The following TMEM245 variants were observed in gnomAD, a reference collection of about 807,000 sequenced individuals.
TMEM245 encodes the protein protein CG-2.
Under a neutral mutation model 101.2 loss-of-function variants are expected in TMEM245, and 69 were observed. The observed-to-expected ratio is 0.68, with a 90% confidence interval of 0.56 to 0.83. The LOEUF (loss-of-function observed/expected upper bound fraction) is 0.83, where lower values mean the gene tolerates loss of function less well. TMEM245 is among the 40% of genes least tolerant of loss of function. The pLI is 0.00. For synonymous variants in TMEM245, 537 were observed against 449.8 expected (o/e 1.19, Z -2.45); for missense variants, 1,075 against 1,092.8 (o/e 0.98, Z 0.23).
At position 109,029,443 on chromosome 9, in the gene TMEM245, T is replaced by A. The variant is rs151015086; in HGVS notation, c.2594+3864A>T. On this transcript the variant is annotated intron_variant, in intron 17 of 17. Coordinates refer to ENST00000374586, the MANE Select transcript of TMEM245 (RefSeq NM_032012.4). ...ATAAATAATAAAAATTGCTTCAGAC[T>A]TTTAACAACAATCCTAGAAGCCAGA... Among the ~76,000 whole-genome samples, 38 of 152,306 alleles carry A rather than the reference T, an allele frequency of 2.5e-4. 1 individual carries two copies. In the East Asian group the frequency reaches 7.3e-3, roughly 29 times the overall value.
At chr9:109,053,513 T>C (rs747587977) in intron 12 of TMEM245, among the ~76,000 whole-genome samples, 186 of 152,160 alleles carry the variant, frequency 1.2e-3, no homozygotes, top group Non-Finnish European at 2.0e-3. Flanking sequence ...GCAATGTAAG[T>C]ACTGGAAGAA....
At chr9:109,107,869 C>A (rs1830468681) in intron 2 of TMEM245, among the ~76,000 whole-genome samples, 1 of 152,172 alleles carries the variant, frequency 6.6e-6, no homozygotes, top group Non-Finnish European at 1.5e-5. Context: ...CTGAGCAGCT[C>A]TGACATGAAT....
rs866023569 is a variant in TMEM245, at chr9:109,073,423, C to T, written c.1465G>A (p.Val489Ile). The change falls in exon 9 of 18, where the codon GTA becomes ATA. Residue 489 changes from valine (V) to isoleucine (I), a missense_variant. Physicochemically the swap from Val to Ile is conservative, Grantham distance 29 (BLOSUM62 3). Transcript: ENST00000374586. The part of the protein sequence containing the change: ...LLTAKVHQES[V>I]HMIEVTSNLI... The stretch of plus-strand genomic sequence containing the variant: ...TTACTTGTGACTTCAATCATGTGTA[C>T]ACTCTCTTGATGTACCTGTATTACA... The T allele has an allele frequency of 1.2e-6, 2 of 1,610,620 alleles. No homozygotes were observed. Among genetic ancestry groups the T allele is most frequent in the African/African-American group, 1.3e-5 (1 of 74,884 alleles).
chr9:109,064,128 AC>A (rs35264540), intron 10 of TMEM245, among the ~76,000 whole-genome samples: 1,934 of 152,368 alleles, frequency 0.013, 16 homozygotes, highest in South Asian at 0.036. Flanking sequence ...ATAACTGGAA[AC>A]TGCCAAAGAC....
rs781337448 is a variant in TMEM245, at chr9:109,057,315, G to C, written c.1730C>G (p.Thr577Arg). The change falls in exon 12 of 18, where the codon ACA becomes AGA. Residue 577 changes from threonine (T) to arginine (R), a missense_variant. Physicochemically the swap from Thr to Arg is moderately conservative, Grantham distance 71. This residue lies in a region of TMEM245 where 808 missense variants were observed against 741.5 expected (regional missense o/e 1.09). Transcript: ENST00000374586. The stretch of plus-strand genomic sequence containing the variant: ...CTGTCCTTTGTGCCTTCCAGAGTGT[G>C]TTACATTCTATGGAATAAAACAGTG... ...LYHSWFVKNV[T>R]HSGRHKGQKL... 1 of 1,613,846 alleles carries C rather than the reference G, an allele frequency of 6.2e-7. No individual in the cohort carries two copies. The highest frequency in any genetic ancestry group is 2.2e-5 in the East Asian group (1 of 44,868).
chr9:109,018,499 G>A lies in TMEM245; in HGVS notation c.*1961C>T, dbSNP rs185718293. On this transcript the variant is annotated 3_prime_UTR_variant, in exon 18 of 18. Coordinates refer to ENST00000374586, the MANE Select transcript of TMEM245 (RefSeq NM_032012.4). ...CTCAGTGGAATAGCTGATTATAATCGCTAAAATATTCATAATAGAAATAAA... is the reference window on the plus strand; with the variant it reads ...CTCAGTGGAATAGCTGATTATAATCACTAAAATATTCATAATAGAAATAAA... 3.9e-5 allele frequency: 6 copies of A among 152,140 alleles called. No homozygotes were observed. In the East Asian group the frequency reaches 9.7e-4, roughly 24 times the overall value. The allele number at this position is 152,140 out of a possible 1,614,324, so 9.4% of individuals were successfully genotyped here.
intron 1 of TMEM245, among the ~76,000 whole-genome samples, chr9:109,110,651 T>TA (rs1830544644): frequency 6.6e-6 from 1 of 152,024 alleles, no homozygotes; most frequent in Admixed American, 6.5e-5. Context: ...GTCAGTCACT[T>TA]AGATGAAAGA....
intron 8 of TMEM245, 29 bp from the exon 9 acceptor site, chr9:109,073,467 T>C (rs1038656976): frequency 6.5e-7 from 1 of 1,534,388 alleles, no homozygotes; most frequent in African/African-American, 1.4e-5. Context: ...AAGAAAAGAA[T>C]CTCAGTAAAA....
In TMEM245 at chr9:109,087,124, G is replaced by A. The variant is rs368545167; in HGVS notation, c.1320+49C>T. 3.6e-5 allele frequency: 54 copies of A among 1,499,030 alleles called. 1 individual carries two copies. Among genetic ancestry groups the A allele is most frequent in the Middle Eastern group, 1.8e-4 (1 of 5,636 alleles). 92.9% of individuals were successfully genotyped at this position (1,499,030 alleles called of 1,614,324 possible). On this transcript the variant is annotated intron_variant, in intron 6 of 17. Transcript: ENST00000374586. ...CATAGAATGGAAAAGTTCAAACCAC[G>A]AAATATATTAACTCCATTAAGACAG...
In TMEM245 at chr9:109,083,925, A is replaced by AAAAAC. The variant is rs1829757001; in HGVS notation, c.1344+2067_1344+2071dup. ...ACAAAAAAAAAAAAAAAAAAAAAAAAAAAACACCAGGCATGGTGGTGCACA... is the reference window on the plus strand; with the variant it reads ...ACAAAAAAAAAAAAAAAAAAAAAAAAAAAACAAAACACCAGGCATGGTGGTGCACA... On this transcript the variant is annotated intron_variant, in intron 7 of 17. Transcript: ENST00000374586. Among the ~76,000 whole-genome samples the AAAAAC allele has an allele frequency of 3.6e-5, 5 of 140,772 alleles. No individual in the cohort carries two copies. In the East Asian group the frequency reaches 9.1e-4, roughly 26 times the overall value. The allele number at this position is 140,772 out of a possible 152,430, so 92.4% of individuals were successfully genotyped here.
At chr9:109,110,096 A>G (rs1830528963) in intron 1 of TMEM245, among the ~76,000 whole-genome samples, 1 of 152,198 alleles carries the variant, frequency 6.6e-6, no homozygotes, top group Non-Finnish European at 1.5e-5. Context: ...GAAGCTCAAA[A>G]ATATGAGGAC....
At chr9:109,114,786 C>T (rs191412620) in intron 1 of TMEM245, among the ~76,000 whole-genome samples, 9 of 152,290 alleles carry the variant, frequency 5.9e-5, no homozygotes. Context: ...TCAAATTTAC[C>T]TTGCACAGCT....
intron 3 of TMEM245, among the ~76,000 whole-genome samples, chr9:109,098,696 C>T (rs184967670): frequency 6.6e-6 from 1 of 152,048 alleles, no homozygotes; most frequent in Non-Finnish European, 1.5e-5. Context: ...GGCACATAAA[C>T]AAGGGAACAT....
At chr9:109,112,141 A>G (rs1452530899) in intron 1 of TMEM245, among the ~76,000 whole-genome samples, 1 of 152,226 alleles carries the variant, frequency 6.6e-6, no homozygotes, top group Non-Finnish European at 1.5e-5. Context: ...AATGTTTATC[A>G]AAGTATTCTA....
Position 109,093,530 on chromosome 9 carries a change from G to C in TMEM245, c.861C>G (p.Ile287Met). ...MAASTLANLA[I>M]SITGYESSSE... The stretch of plus-strand genomic sequence containing the variant: ...TGCTTGATTCATACCCTGTGATAGA[G>C]ATGGCCAAGTTTGCCAGAGTAGAAG... Residue 287 changes from isoleucine to methionine, a missense_variant, in exon 4 of 18, where the codon ATC becomes ATG. Ile to Met is a conservative substitution (Grantham distance 10). Around this residue, in one of 2 missense-constraint regions of TMEM245, gnomAD observed 808 missense variants for 741.5 expected, o/e 1.09. Transcript: ENST00000374586. 1 of 1,614,148 alleles carries C rather than the reference G, an allele frequency of 6.2e-7. No individual in the cohort carries two copies.
chr9:109,052,842 C>G (rs1480113696), intron 12 of TMEM245, among the ~76,000 whole-genome samples: 3 of 151,846 alleles, frequency 2.0e-5, no homozygotes, highest in Non-Finnish European at 2.9e-5. Context: ...CTGGGTTGCA[C>G]TGAGAGAAAA....
chr9:109,080,571 T>C (rs1364000627), intron 8 of TMEM245, among the ~76,000 whole-genome samples: 2 of 151,932 alleles, frequency 1.3e-5, no homozygotes, highest in Non-Finnish European at 2.9e-5. Context: ...AAGCGCCACT[T>C]GTTCTTCATT....
Position 109,038,090 on chromosome 9 carries a change from C to T in TMEM245, c.2151G>A (p.Met717Ile), listed in dbSNP as rs747790432. 6.8e-6 allele frequency: 11 copies of T among 1,612,994 alleles called. No individual in the cohort carries two copies. The East Asian group carries it at 2.5e-4, about 36-fold the overall frequency. Residue 717 changes from methionine (M) to isoleucine (I), a missense_variant, in exon 15 of 18, where the codon ATG (methionine) becomes ATA (isoleucine). Met to Ile is a conservative substitution (Grantham distance 10, BLOSUM62 1). This residue lies in a region of TMEM245 where 267 missense variants were observed against 351.3 expected (regional missense o/e 0.76). Transcript: ENST00000374586. Reference sequence around the variant, plus strand: ...AGGTATACAATCCATAGAAGCCAGCCATTTTGAGGGAAGCATCAAACACCC... The same window carrying T: ...AGGTATACAATCCATAGAAGCCAGCTATTTTGAGGGAAGCATCAAACACCC... ...IRGVFDASLK[M>I]AGFYGLYTWL... is the part of the protein sequence containing the mutation.
At chr9:109,084,055 G>C (rs1340345929) in intron 7 of TMEM245, among the ~76,000 whole-genome samples, 3 of 150,244 alleles carry the variant, frequency 2.0e-5, no homozygotes, top group African/African-American at 7.3e-5. Flanking sequence ...CTCCAGCCTG[G>C]GTGACAGAGT....
Sources: allele counts gnomAD v4.1 joint callset (sites outside exome capture counted in the v4.1 genomes callset), GRCh38; gene constraint gnomAD v4.1.1; regional missense constraint gnomAD v4.1.1; transcripts MANE v1.5; gene names NCBI Gene and HGNC (gene_info 2026-07-23, HGNC 2026-07-21).